GLIS1: variants seen among roughly 807,000 people sequenced by gnomAD.
GLIS1 encodes the protein zinc finger protein GLIS1.
Under a neutral mutation model 63.8 loss-of-function variants are expected in GLIS1, and 24 were observed. The observed-to-expected ratio is 0.38, with a 90% CI of 0.27 to 0.53. The LOEUF (loss-of-function observed/expected upper bound fraction) is 0.53, where lower values mean the gene tolerates loss of function less well. Ranked by LOEUF, GLIS1 falls within the 20% of genes least tolerant of loss-of-function variation. The pLI, the probability that GLIS1 is intolerant of heterozygous loss-of-function variation, is 0.85. For synonymous variants in GLIS1, 450 were observed against 482.5 expected, an observed-to-expected ratio of 0.93 and a Z score of 0.88; for missense variants, 1,036 against 1,074.1, an observed-to-expected ratio of 0.96 and a Z score of 0.50.
At chr1:53,680,332 C>G (rs1646260828) in intron 2 of GLIS1, among the ~76,000 whole-genome samples, 1 of 152,212 alleles carries the variant, frequency 6.6e-6, no homozygotes, top group Non-Finnish European at 1.5e-5. Context: ...TCCCTGTCCA[C>G]AAACCCCTGC....
intron 2 of GLIS1, among the ~76,000 whole-genome samples, chr1:53,689,141 G>A (rs1646373954): frequency 6.6e-6 from 1 of 152,216 alleles, no homozygotes; most frequent in Admixed American, 6.5e-5. Flanking sequence ...CCAGCCCAAA[G>A]GTACAGTTGG....
chr1:53,726,258 C>T (rs1263753756), intron 2 of GLIS1, among the ~76,000 whole-genome samples: 1 of 152,062 alleles, frequency 6.6e-6, no homozygotes, highest in Non-Finnish European at 1.5e-5. Context: ...CGGCAGCTAA[C>T]ACCTACCAGC....
At chr1:53,668,239 T>C (rs1199047011) in intron 2 of GLIS1, among the ~76,000 whole-genome samples, 1 of 152,244 alleles carries the variant, frequency 6.6e-6, no homozygotes, top group Non-Finnish European at 1.5e-5. Flanking sequence ...AGTCACTACA[T>C]ACACATACAC....
At chr1:53,705,335 T>C (rs112022258) in intron 2 of GLIS1, among the ~76,000 whole-genome samples, 1 of 152,094 alleles carries the variant, frequency 6.6e-6, no homozygotes, top group Admixed American at 6.5e-5. Flanking sequence ...TCCCCACAGA[T>C]TCCTCCCTCA....
chr1:53,727,539 C>T (rs1646817580), intron 2 of GLIS1, among the ~76,000 whole-genome samples: 1 of 152,262 alleles, frequency 6.6e-6, no homozygotes, highest in African/African-American at 2.4e-5. Flanking sequence ...GTACTTGGGG[C>T]TTTGTCTTAA....
At chr1:53,559,493 C>T (rs1207012135) in intron 4 of GLIS1, among the ~76,000 whole-genome samples, 2 of 152,230 alleles carry the variant, frequency 1.3e-5, no homozygotes, top group African/African-American at 2.4e-5. Context: ...GGCCCCTGCC[C>T]TGATCCTGCC....
chr1:53,507,756 C>T (rs991577972), intron 10 of GLIS1, among the ~76,000 whole-genome samples: 4 of 152,144 alleles, frequency 2.6e-5, no homozygotes, highest in East Asian at 1.9e-4. Flanking sequence ...CTCCCCTGGC[C>T]GGTGTAGGGC....
At chr1:53,637,493 G>C (rs1234147219) in intron 2 of GLIS1, among the ~76,000 whole-genome samples, 2 of 152,244 alleles carry the variant, frequency 1.3e-5, no homozygotes, top group Middle Eastern at 3.4e-3. Flanking sequence ...TGATAAGATG[G>C]TGCACATACC....
At position 53,639,985 on chromosome 1, in the gene GLIS1, T is replaced by C. The variant is rs1645768961; in HGVS notation, c.260-39707A>G. Among the ~76,000 whole-genome samples, 1 of 152,176 alleles carries C rather than the reference T, an allele frequency of 6.6e-6. No individual in the cohort carries two copies. The highest frequency in any genetic ancestry group is 6.5e-5 in the Admixed American group (1 of 15,282). ...ATACTACACTTAACAAACACGAGCA[T>C]GGTGAGATTTAAATATATATGAGGT... On this transcript the variant is annotated intron_variant, in intron 2 of 10. Transcript: ENST00000628545. This position sits in a 1 kb window ranked among gnomAD's most constrained non-coding sequence, Gnocchi z 4.6.
chr1:53,713,888 A>C (rs1646671203), intron 2 of GLIS1, among the ~76,000 whole-genome samples: 1 of 152,228 alleles, frequency 6.6e-6, no homozygotes, highest in East Asian at 1.9e-4. Flanking sequence ...TCTCCCTGAA[A>C]GCCATTAGCT....
chr1:53,589,524 C>T (rs1029709703), intron 4 of GLIS1, among the ~76,000 whole-genome samples: 2 of 152,234 alleles, frequency 1.3e-5, no homozygotes, highest in Admixed American at 6.5e-5. Flanking sequence ...GCAGGTCCAG[C>T]CAGGTGGCTT....
rs146748376 is a variant in GLIS1 at position 53,628,423 on chromosome 1, C to T, written c.260-28145G>A. Among the ~76,000 whole-genome samples, 6 of 152,266 alleles carry T rather than the reference C, an allele frequency of 3.9e-5. No homozygotes were observed. In the East Asian group the frequency reaches 1.2e-3, roughly 29 times the overall value. On this transcript the variant is annotated intron_variant, in intron 2 of 10. Transcript: ENST00000628545. ...AAGGGCAGGAGAGCCATGGGAGGGA[C>T]TGTACTGGCTCACTCGACACGCTTT...
chr1:53,509,365 G>T, intron 9 of GLIS1, 78 bp from the exon 10 acceptor site: 1 of 1,353,646 alleles, frequency 7.4e-7, no homozygotes, highest in Non-Finnish European at 1.0e-6. Flanking sequence ...CTTGCTGCAC[G>T]CTCCACCTCC....
chr1:53,701,086 G>C (rs1268833771), intron 2 of GLIS1, among the ~76,000 whole-genome samples: 2 of 152,148 alleles, frequency 1.3e-5, no homozygotes, highest in Non-Finnish European at 2.9e-5. Context: ...TTAACATTTT[G>C]GTACAAATTT....
intron 2 of GLIS1, among the ~76,000 whole-genome samples, chr1:53,648,132 C>G (rs1271710923): frequency 6.6e-6 from 1 of 151,966 alleles, no homozygotes; most frequent in African/African-American, 2.4e-5. Flanking sequence ...CGTGATTGCG[C>G]CACTGCATTC....
intron 2 of GLIS1, among the ~76,000 whole-genome samples, chr1:53,654,096 T>A (rs1184604740): frequency 2.6e-5 from 4 of 152,210 alleles, no homozygotes; most frequent in Admixed American, 2.6e-4. Context: ...GACCTCAGCA[T>A]ACCAGCAATG....
intron 5 of GLIS1, among the ~76,000 whole-genome samples, chr1:53,528,206 A>G (rs1269636631): frequency 6.6e-6 from 1 of 152,162 alleles, no homozygotes; most frequent in Non-Finnish European, 1.5e-5. Flanking sequence ...TCCTCACTTC[A>G]TGTCCGTAGC....
At chr1:53,592,169 A>G (rs1156785946) in intron 4 of GLIS1, among the ~76,000 whole-genome samples, 1 of 152,122 alleles carries the variant, frequency 6.6e-6, no homozygotes, top group East Asian at 1.9e-4. Context: ...AGAGACCCTG[A>G]GTCTGCACTG....
intron 2 of GLIS1, among the ~76,000 whole-genome samples, chr1:53,651,778 G>A (rs2100329679): frequency 6.6e-6 from 1 of 152,166 alleles, no homozygotes; most frequent in Middle Eastern, 3.4e-3. Context: ...GGGGGCTGAG[G>A]TGGAAGGATC....
Sources: allele counts gnomAD v4.1 joint callset (sites outside exome capture counted in the v4.1 genomes callset), GRCh38; gene constraint gnomAD v4.1.1; non-coding constraint Gnocchi (gnomAD v3.1); transcripts MANE v1.5; gene names NCBI Gene and HGNC (gene_info 2026-07-23, HGNC 2026-07-21).